CCDC171: variants seen among roughly 807,000 people sequenced by gnomAD.
CCDC171 encodes coiled-coil domain-containing protein 171.
In CCDC171, 177 loss-of-function variants were observed where a neutral mutation model predicts 168.2. That is an observed-to-expected ratio of 1.05 (90% CI 0.93 to 1.19). The LOEUF is 1.19. Ranked by LOEUF, CCDC171 falls within the 50% of genes most tolerant of loss-of-function variation. CCDC171 has a pLI of 0.00. For missense variants in CCDC171, 1,991 were observed against 1,539.0 expected (o/e 1.29, Z -4.91); for synonymous variants, 687 against 540.8 (o/e 1.27, Z -3.75).
chr9:15,682,758 G>A (rs1587937754), intron 10 of CCDC171, among the ~76,000 whole-genome samples: 2 of 152,074 alleles, frequency 1.3e-5, no homozygotes, highest in East Asian at 3.9e-4. Context: ...TTTACATGAA[G>A]ATGTGAACAC....
At chr9:15,942,361 C>T (rs1017247371) in intron 25 of CCDC171, among the ~76,000 whole-genome samples, 6 of 151,744 alleles carry the variant, frequency 4.0e-5, no homozygotes, top group African/African-American at 1.5e-4. Flanking sequence ...TCTATGGGTC[C>T]GGAATTTCTT....
chr9:15,683,798 G>C (rs2050198784), intron 10 of CCDC171, among the ~76,000 whole-genome samples: 1 of 152,120 alleles, frequency 6.6e-6, no homozygotes, highest in South Asian at 2.1e-4. Flanking sequence ...GTGTGTGAGA[G>C]AGACAGAGAG....
intron 3 of CCDC171, among the ~76,000 whole-genome samples, chr9:16,004,815 T>C (rs1015648732): frequency 6.6e-6 from 1 of 152,040 alleles, no homozygotes; most frequent in Non-Finnish European, 1.5e-5. Flanking sequence ...CCCTTGAGGG[T>C]TGTTTGAAGT....
intron 7 of CCDC171, among the ~76,000 whole-genome samples, chr9:15,633,004 A>T (rs1321785017): frequency 1.3e-5 from 2 of 152,102 alleles, no homozygotes; most frequent in African/African-American, 4.8e-5. Context: ...TTCCTTACCC[A>T]TTACACAAAA....
chr9:15,888,861 T>C (rs11999303), intron 24 of CCDC171: 10,726 of 151,916 alleles, frequency 0.071, 871 homozygotes, highest in African/African-American at 0.19. Context: ...CTGAGAAATA[T>C]GTTTTTGATT....
At chr9:15,588,046 C>A (rs1337883344) in intron 4 of CCDC171, among the ~76,000 whole-genome samples, 1 of 152,018 alleles carries the variant, frequency 6.6e-6, no homozygotes, top group Non-Finnish European at 1.5e-5. Context: ...ACCAGCCTGA[C>A]TGATATGGTG....
At chr9:15,686,065 A>G (rs2050374167) in intron 10 of CCDC171, among the ~76,000 whole-genome samples, 1 of 152,148 alleles carries the variant, frequency 6.6e-6, no homozygotes, top group South Asian at 2.1e-4. Flanking sequence ...ATTAGCTCAT[A>G]TTTTAGTTAA....
intron 20 of CCDC171, among the ~76,000 whole-genome samples, chr9:15,783,354 T>G (rs1441535992): frequency 2.0e-5 from 3 of 152,234 alleles, no homozygotes; most frequent in South Asian, 4.1e-4. Flanking sequence ...TTACAATAGT[T>G]ACTAGATGCT....
intron 21 of CCDC171, among the ~76,000 whole-genome samples, chr9:15,789,777 G>C (rs568543566): frequency 8.0e-6 from 1 of 124,448 alleles, no homozygotes; most frequent in African/African-American, 3.2e-5. Flanking sequence ...ACAGTCCCCG[G>C]TGTGTGATGT....
chr9:15,996,466 CTG>C (rs1334123326), intron 3 of CCDC171, among the ~76,000 whole-genome samples: 2 of 114,852 alleles, frequency 1.7e-5, no homozygotes, highest in African/African-American at 6.7e-5. Context: ...TTGGAATAAA[CTG>C]TGTATTGTGC....
At chr9:15,934,389 C>CAAAAAA (rs71304892) in intron 25 of CCDC171, among the ~76,000 whole-genome samples, 13 of 114,000 alleles carry the variant, frequency 1.1e-4, no homozygotes, top group Admixed American at 3.6e-4. Context: ...GACCCTGTCT[C>CAAAAAA]AAAAAAAAAA....
At chr9:16,011,600 A>G (rs201035248) in intron 3 of CCDC171, among the ~76,000 whole-genome samples, 8 of 152,076 alleles carry the variant, frequency 5.3e-5, no homozygotes, top group Admixed American at 1.3e-4. Context: ...TGGCAGGTCC[A>G]CAGCCACTGT....
the CCDC171 span, among the ~76,000 whole-genome samples, chr9:16,081,264 C>T: frequency 2.6e-5 from 4 of 152,192 alleles, no homozygotes; most frequent in East Asian, 1.9e-4. Context: ...ATACCCAATG[C>T]AGCCCAATAA....
chr9:15,624,469 C>G (rs931544995), intron 7 of CCDC171, among the ~76,000 whole-genome samples: 3 of 152,074 alleles, frequency 2.0e-5, no homozygotes, highest in Non-Finnish European at 1.5e-5. Context: ...CCCACTCCCC[C>G]ACCCCATGAC....
intron 18 of CCDC171, among the ~76,000 whole-genome samples, chr9:15,762,597 T>C (rs2056508471): frequency 6.6e-6 from 1 of 152,214 alleles, no homozygotes; most frequent in Non-Finnish European, 1.5e-5. Context: ...TATCAAGTGA[T>C]AGAATGAACA....
At chr9:15,758,335 C>A (rs1241031890) in intron 18 of CCDC171, among the ~76,000 whole-genome samples, 1 of 152,194 alleles carries the variant, frequency 6.6e-6, no homozygotes. Context: ...CACTGCCCTG[C>A]TGGATTTTGG....
At chr9:15,739,065 T>C (rs1197702137) in intron 16 of CCDC171, among the ~76,000 whole-genome samples, 1 of 152,144 alleles carries the variant, frequency 6.6e-6, no homozygotes. Flanking sequence ...GGAGAGTAGA[T>C]ATACACACAT....
chr9:15,710,834 T>C (rs1413108934), intron 11 of CCDC171, among the ~76,000 whole-genome samples: 1 of 152,028 alleles, frequency 6.6e-6, no homozygotes, highest in Non-Finnish European at 1.5e-5. Flanking sequence ...GGACCTCAAG[T>C]GATCCACCTG....
intron 7 of CCDC171, among the ~76,000 whole-genome samples, chr9:15,645,599 T>G (rs1326160999): frequency 1.3e-5 from 2 of 152,180 alleles, no homozygotes; most frequent in Non-Finnish European, 2.9e-5. Flanking sequence ...ACGTGATGCA[T>G]GCACAAGGTT....
Sources: gnomAD v4.1 joint callset for allele counts (sites outside exome capture counted in the v4.1 genomes callset) on GRCh38, gnomAD v4.1.1 for gene constraint, MANE v1.5 for transcripts, NCBI Gene and HGNC (gene_info 2026-07-23, HGNC 2026-07-21) for gene names.